CIZ1: variants seen among roughly 807,000 people sequenced by gnomAD.
The protein encoded by CIZ1 is CDKN1A interacting zinc finger protein 1.
A neutral mutation model predicts 118.6 loss-of-function variants in CIZ1; 58 were observed. That is an observed-to-expected ratio of 0.49 (90% CI 0.40 to 0.61). The LOEUF is 0.61. CIZ1 is among the 20% of genes least tolerant of loss of function. CIZ1 has a pLI of 0.00. For missense variants in CIZ1, 921 were observed against 1,115.9 expected, an observed-to-expected ratio of 0.83 and a Z score of 2.49; for synonymous variants, 448 against 443.4, an observed-to-expected ratio of 1.01 and a Z score of -0.13.
Position 128,169,500 on chromosome 9 carries a change from C to T in CIZ1, c.2051G>A (p.Arg684Gln), listed in dbSNP as rs776184434. ...GCGGTTGCAAACGGTGCAGAAGGGTCGCAAGGATTGTTTGGCAATCTGGAA... is the reference window on the plus strand; with the variant it reads ...GCGGTTGCAAACGGTGCAGAAGGGTTGCAAGGATTGTTTGGCAATCTGGAA... The part of the protein sequence containing the change: ...QDHKIAKQSL[R>Q]PFCTVCNRYF... The change falls in exon 13 of 17, where the codon CGA becomes CAA. Residue 684 changes from arginine (R) to glutamine (Q), a missense_variant. Arg to Gln is a conservative substitution (Grantham distance 43). Transcript: ENST00000372938. 2 of 1,614,018 alleles carry T rather than the reference C, an allele frequency of 1.2e-6. No homozygotes were observed. The highest frequency in any genetic ancestry group is 1.7e-6 in the Non-Finnish European group (2 of 1,180,020).
intron 5 of CIZ1, among the ~76,000 whole-genome samples, chr9:128,182,215 C>T (rs1327208377): frequency 1.3e-5 from 2 of 152,070 alleles, no homozygotes; most frequent in Admixed American, 6.6e-5. Flanking sequence ...GGGCCACTAC[C>T]AGTCTCTGCG....
rs935998182 is a variant in CIZ1 at position 128,172,860 on chromosome 9, A to AT, written c.1944-2754dup. Among the ~76,000 whole-genome samples the AT allele has an allele frequency of 7.9e-5, 12 of 152,254 alleles. No homozygotes were observed. The East Asian group carries it at 1.7e-3, about 22-fold the overall frequency. The stretch of plus-strand genomic sequence containing the variant: ...ATTATTTTTAAAATCAGAAAAAAAA[A>AT]TTTTTTTGTAGTCAAAAAAGGCACA... On this transcript the variant is annotated intron_variant, in intron 11 of 16. Coordinates refer to ENST00000372938, the MANE Select transcript of CIZ1 (RefSeq NM_001131016.2).
At chr9:128,199,255 C>A (rs550443432) in intron 1 of CIZ1, among the ~76,000 whole-genome samples, 121 of 152,132 alleles carry the variant, frequency 8.0e-4, no homozygotes, top group Non-Finnish European at 1.6e-3. Context: ...GTAATCCCAG[C>A]TACTCAGGAG....
chr9:128,180,555 G>A (rs561238846), intron 6 of CIZ1, 32 bp from the exon 7 acceptor site: 50 of 1,575,774 alleles, frequency 3.2e-5, no homozygotes, highest in Non-Finnish European at 4.2e-5. Context: ...GGGAACTCAT[G>A]TTGGGAAGAG....
At chr9:128,187,201 A>G (rs2131005938) in intron 4 of CIZ1, among the ~76,000 whole-genome samples, 1 of 152,316 alleles carries the variant, frequency 6.6e-6, no homozygotes, top group Admixed American at 6.5e-5. Context: ...TTGGCCTACC[A>G]AAGTGCTGGG....
Position 128,188,029 on chromosome 9 carries a change from C to T in CIZ1, c.287-95G>A, listed in dbSNP as rs140926734. 454 of 228,066 alleles carry T rather than the reference C, an allele frequency of 2.0e-3. 4 individuals are homozygous for T. The highest frequency in any genetic ancestry group is 3.2e-3 in the Non-Finnish European group (363 of 114,554). The allele number at this position is 228,066 out of a possible 1,614,324, so 14.1% of individuals were successfully genotyped here. On this transcript the variant is annotated intron_variant, in intron 3 of 16. Transcript: ENST00000372938. The stretch of plus-strand genomic sequence containing the variant: ...AAACAATCTCAAACAACATATTCAT[C>T]CCAGGGTTACTTAAAACAGCAAAAA...
chr9:128,173,135 C>CTT lies in CIZ1; in HGVS notation c.1944-3030_1944-3029dup, dbSNP rs957423189. ...GCATGCCACCAGGCCTGGCTAATTT[C>CTT]TTTTTTTTTTTTTTTTTTTTTTTTT... is the stretch of plus-strand genomic sequence containing the variant. On this transcript the variant is annotated intron_variant, in intron 11 of 16. Transcript: ENST00000372938. Among the ~76,000 whole-genome samples, 119 of 80,796 alleles carry CTT rather than the reference C, an allele frequency of 1.5e-3. 4 individuals carry two copies. Among genetic ancestry groups the CTT allele is most frequent in the African/African-American group, 2.0e-3 (37 of 18,384 alleles). The allele number at this position is 80,796 out of a possible 152,430, so 53.0% of individuals were successfully genotyped here.
At chr9:128,180,191 C>A (rs1453499243) in intron 7 of CIZ1, among the ~76,000 whole-genome samples, 1 of 152,246 alleles carries the variant, frequency 6.6e-6, no homozygotes, top group African/African-American at 2.4e-5. Context: ...TCCAGCTTGG[C>A]CCCCAGGTGG....
intron 5 of CIZ1, among the ~76,000 whole-genome samples, chr9:128,182,979 C>G (rs1228125170): frequency 6.6e-6 from 1 of 152,096 alleles, no homozygotes; most frequent in East Asian, 1.9e-4. Flanking sequence ...CTCTCACCAC[C>G]CTCCCCATTC....
At chr9:128,190,613 G>T in intron 2 of CIZ1, 75 bp downstream of exon 2, 4 of 1,506,494 alleles carry the variant, frequency 2.7e-6, no homozygotes, top group Non-Finnish European at 3.6e-6. Context: ...TGGGAAAAAG[G>T]ATGGGGATCG....
At chr9:128,169,364 G>T in intron 13 of CIZ1, 42 bp downstream of exon 13, 3 of 1,557,268 alleles carry the variant, frequency 1.9e-6, no homozygotes, top group Non-Finnish European at 2.7e-6. Context: ...CCAAGGCTCT[G>T]TACCTCTCTG....
intron 12 of CIZ1, chr9:128,169,733 G>C: frequency 6.6e-7 from 1 of 1,525,754 alleles, no homozygotes; most frequent in Non-Finnish European, 8.8e-7. Context: ...GCAACACAGA[G>C]ACAGGACAGA....
upstream of CIZ1, chr9:128,191,692 G>T (rs961105358): frequency 8.5e-6 from 11 of 1,291,538 alleles, no homozygotes; most frequent in African/African-American, 1.7e-4. The surrounding 1 kb of genome is among the most constrained non-coding windows in gnomAD (Gnocchi z 5.5). Flanking sequence ...GGCGGCTGCG[G>T]GGCGCTAGCA....
chr9:128,167,860 A>T (rs45560439), intron 14 of CIZ1, among the ~76,000 whole-genome samples: 2 of 152,314 alleles, frequency 1.3e-5, no homozygotes, highest in Non-Finnish European at 2.9e-5. Context: ...CCTAGGACCA[A>T]GCTGTGGGCC....
At chr9:128,180,847 A>T in intron 5 of CIZ1, 33 bp from the exon 6 acceptor site, 1 of 1,488,380 alleles carries the variant, frequency 6.7e-7, no homozygotes, top group Non-Finnish European at 9.3e-7. Flanking sequence ...TTGACATCCA[A>T]TACCCACCCC....
chr9:128,194,918 A>G (rs571945169), upstream of CIZ1, among the ~76,000 whole-genome samples: 6 of 152,266 alleles, frequency 3.9e-5, no homozygotes, highest in African/African-American at 1.2e-4. Context: ...CCCTGGCTCA[A>G]TGGAGCCTCC....
At position 128,178,786 on chromosome 9, in the gene CIZ1, A is replaced by G; in HGVS notation, c.1421T>C (p.Leu474Pro). The G allele has an allele frequency of 6.2e-7, 1 of 1,614,266 alleles. No individual in the cohort carries two copies. The change falls in exon 8 of 17, where the codon CTG becomes CCG. Residue 474 changes from leucine to proline, a missense_variant. Coordinates refer to ENST00000372938, the MANE Select transcript of CIZ1 (RefSeq NM_001131016.2). The part of the protein sequence containing the change: ...QPHTQPQVSL[L>P]APEQTPVVVH... ...CACAACTGGTGTTTGCTCTGGAGCC[A>G]GCAACGACACCTGCGGCTGGGTGTG...
chr9:128,182,536 G>A (rs1170800365), intron 5 of CIZ1, among the ~76,000 whole-genome samples: 9 of 152,200 alleles, frequency 5.9e-5, no homozygotes, highest in East Asian at 3.9e-4. Flanking sequence ...CACGCCTTAC[G>A]CCAAGCCTGA....
rs772696737 is a variant in CIZ1, at chr9:128,169,366, A to G, written c.2145+40T>C. On this transcript the variant is annotated intron_variant, in intron 13 of 16. Coordinates refer to ENST00000372938, the MANE Select transcript of CIZ1 (RefSeq NM_001131016.2). The stretch of plus-strand genomic sequence containing the variant: ...TACACAGCCTTGGCCAAGGCTCTGT[A>G]CCTCTCTGGGCCCATGTCCTCTGAG... 1.2e-5 allele frequency: 19 copies of G among 1,551,052 alleles called. No homozygotes were observed. The Admixed American group carries it at 3.2e-4, about 26-fold the overall frequency.
Sources: allele counts gnomAD v4.1 joint callset (sites outside exome capture counted in the v4.1 genomes callset), GRCh38; gene constraint gnomAD v4.1.1; non-coding constraint Gnocchi (gnomAD v3.1); transcripts MANE v1.5; gene names NCBI Gene and HGNC (gene_info 2026-07-23, HGNC 2026-07-21).